AUTS2: variants seen among roughly 807,000 people sequenced by gnomAD.
The protein encoded by AUTS2 is autism susceptibility gene 2 protein.
Under a neutral mutation model 112.4 loss-of-function variants are expected in AUTS2, and 17 were observed. That is an observed-to-expected ratio of 0.15 (90% CI 0.10 to 0.23). The LOEUF is 0.23. Ranked by LOEUF, AUTS2 falls within the 10% of genes least tolerant of loss-of-function variation. The pLI, the probability that AUTS2 is intolerant of heterozygous loss-of-function variation, is 1.00. For synonymous variants in AUTS2, 751 were observed against 702.7 expected (o/e 1.07, Z -1.09); for missense variants, 1,510 against 1,701.6 (o/e 0.89, Z 1.98).
intron 5 of AUTS2, among the ~76,000 whole-genome samples, chr7:70,671,810 G>A (rs761395926): frequency 1.3e-5 from 2 of 152,236 alleles, no homozygotes; most frequent in Non-Finnish European, 2.9e-5. Flanking sequence ...AGTGTCAGAT[G>A]GTTTGGCGCA....
intron 1 of AUTS2, among the ~76,000 whole-genome samples, chr7:69,873,063 G>A (rs1018673077): frequency 4.6e-5 from 7 of 151,472 alleles, no homozygotes; most frequent in South Asian, 2.1e-4. Flanking sequence ...GGCTGGTCTC[G>A]AACTCCTGAC....
intron 4 of AUTS2, among the ~76,000 whole-genome samples, chr7:70,235,902 C>T (rs1328462024): frequency 1.3e-5 from 2 of 152,130 alleles, no homozygotes; most frequent in African/African-American, 4.8e-5. Context: ...TCGTGGTCCG[C>T]CCACCTTGGG....
chr7:69,940,808 G>A (rs1796598445), intron 2 of AUTS2, among the ~76,000 whole-genome samples: 1 of 152,178 alleles, frequency 6.6e-6, no homozygotes, highest in Non-Finnish European at 1.5e-5. Flanking sequence ...ATGGATAGAA[G>A]CTTAGGAGCT....
chr7:70,133,077 A>G (rs1806362872), intron 3 of AUTS2, among the ~76,000 whole-genome samples: 1 of 152,172 alleles, frequency 6.6e-6, no homozygotes, highest in Non-Finnish European at 1.5e-5. Context: ...GGGATTAAGA[A>G]TGCAGCAGGA....
intron 4 of AUTS2, among the ~76,000 whole-genome samples, chr7:70,253,535 T>C (rs1786709915): frequency 6.6e-6 from 1 of 152,174 alleles, no homozygotes; most frequent in African/African-American, 2.4e-5. Flanking sequence ...TTTGTGTGAG[T>C]ATTGCTTGTT....
At chr7:70,296,663 T>C (rs1377257084) in intron 4 of AUTS2, among the ~76,000 whole-genome samples, 1 of 152,172 alleles carries the variant, frequency 6.6e-6, no homozygotes, top group Non-Finnish European at 1.5e-5. Flanking sequence ...ATTTTCTGTG[T>C]TTAGGTTGTT....
intron 2 of AUTS2, among the ~76,000 whole-genome samples, chr7:69,986,009 C>A (rs1042130027): frequency 6.6e-6 from 1 of 152,138 alleles, no homozygotes; most frequent in African/African-American, 2.4e-5. Context: ...GCGATCCTCC[C>A]GCCTCGACCT....
intron 1 of AUTS2, among the ~76,000 whole-genome samples, chr7:69,622,348 TCTAAAACGAGGGAATATACATTTG>T (rs1465386243): frequency 2.6e-5 from 4 of 152,202 alleles, no homozygotes; most frequent in Non-Finnish European, 4.4e-5. Context: ...TATGGTTATA[TCTAAAACGAGGGAATATACATTTG>T]AAACAGGAAA....
chr7:70,785,576 C>T, intron 16 of AUTS2: 1 of 448,210 alleles, frequency 2.2e-6, no homozygotes, highest in East Asian at 6.7e-5. Flanking sequence ...TAGGCACGCC[C>T]TCAGAGTTTC....
At chr7:69,882,319 T>TAAGCAA (rs1794091551) in intron 1 of AUTS2, among the ~76,000 whole-genome samples, 4 of 151,810 alleles carry the variant, frequency 2.6e-5, no homozygotes, top group Admixed American at 2.6e-4. Flanking sequence ...ATGTAATAAA[T>TAAGCAA]AAGTAAATAA....
intron 5 of AUTS2, among the ~76,000 whole-genome samples, chr7:70,674,543 T>G (rs1807814225): frequency 6.6e-6 from 1 of 152,178 alleles, no homozygotes; most frequent in Non-Finnish European, 1.5e-5. Flanking sequence ...TTTTCTGGTG[T>G]CAGCCAAGTG....
intron 4 of AUTS2, among the ~76,000 whole-genome samples, chr7:70,280,403 C>T (rs1387639798): frequency 1.3e-5 from 2 of 150,946 alleles, no homozygotes; most frequent in African/African-American, 4.9e-5. Flanking sequence ...CATGCCTCAG[C>T]CTCCTGAGTA....
chr7:69,629,939 G>A (rs963167851), intron 1 of AUTS2, among the ~76,000 whole-genome samples: 1 of 152,080 alleles, frequency 6.6e-6, no homozygotes, highest in Admixed American at 6.5e-5. Context: ...GAATCAGGCA[G>A]GTTATGCCCA....
In AUTS2 at chr7:70,781,995, C is replaced by T. The variant is rs886983144; in HGVS notation, c.2146+239C>T. On this transcript the variant is annotated intron_variant, in intron 15 of 18. Coordinates refer to ENST00000342771, the MANE Select transcript of AUTS2 (RefSeq NM_015570.4). ...TCCCTTACAGGGATTCACATTGCTT[C>T]GGTTCATTATTTGCTTCTATATTAA... 6.9e-5 allele frequency: 37 copies of T among 535,734 alleles called. 1 individual carries two copies. Among genetic ancestry groups the T allele is most frequent in the South Asian group, 2.0e-4 (8 of 39,734 alleles). 33.2% of individuals were successfully genotyped at this position (535,734 alleles called of 1,614,324 possible).
chr7:70,109,325 A>AT (rs1804947348), intron 2 of AUTS2, among the ~76,000 whole-genome samples: 1 of 152,142 alleles, frequency 6.6e-6, no homozygotes, highest in African/African-American at 2.4e-5. Flanking sequence ...CCTTCAACAC[A>AT]TTATTTTTTA....
At chr7:70,022,327 T>C (rs1488150863) in intron 2 of AUTS2, among the ~76,000 whole-genome samples, 4 of 151,434 alleles carry the variant, frequency 2.6e-5, no homozygotes, top group Non-Finnish European at 5.9e-5. Flanking sequence ...TAATAGATTT[T>C]TTTTTTTTTT....
intron 4 of AUTS2, among the ~76,000 whole-genome samples, chr7:70,367,906 G>T (rs961194410): frequency 6.6e-6 from 1 of 152,186 alleles, no homozygotes; most frequent in Non-Finnish European, 1.5e-5. Context: ...CATTCGAAAA[G>T]AATGAAATAA....
chr7:70,098,028 A>G (rs1265632840), intron 2 of AUTS2, among the ~76,000 whole-genome samples: 1 of 152,244 alleles, frequency 6.6e-6, no homozygotes, highest in Non-Finnish European at 1.5e-5. Flanking sequence ...CATTTGCAGC[A>G]TTTATTAGCT....
intron 4 of AUTS2, among the ~76,000 whole-genome samples, chr7:70,159,262 T>C (rs1448972895): frequency 6.6e-6 from 1 of 152,232 alleles, no homozygotes; most frequent in African/African-American, 2.4e-5. Context: ...GAAGTAATTA[T>C]TATCCTCTCT....
Sources: gnomAD v4.1 joint callset for allele counts (sites outside exome capture counted in the v4.1 genomes callset) on GRCh38, gnomAD v4.1.1 for gene constraint, MANE v1.5 for transcripts, NCBI Gene and HGNC (gene_info 2026-07-23, HGNC 2026-07-21) for gene names.